The following ZNF697 variants were observed in gnomAD, a reference collection of about 807,000 sequenced individuals.
ZNF697 encodes zinc finger protein 697.
A neutral mutation model predicts 32.4 loss-of-function variants in ZNF697; 23 were observed. The ratio of observed to expected loss-of-function variants is 0.71; its 90% confidence interval spans 0.51 to 1.01. The LOEUF is 1.01. Among genes scored for constraint, ZNF697 ranks in the 50% least tolerant of loss-of-function variants. The pLI is 0.00. For synonymous variants in ZNF697, 418 were observed against 337.2 expected, an observed-to-expected ratio of 1.24 and a Z score of -2.62; for missense variants, 930 against 794.0, an observed-to-expected ratio of 1.17 and a Z score of -2.06.
In ZNF697 at chr1:119,623,398, C is replaced by T. The variant is rs986474086; in HGVS notation, c.945G>A (p.Lys315=). The T allele has an allele frequency of 7.9e-6, 12 of 1,517,068 alleles. No homozygotes were observed. The African/African-American group carries it at 1.7e-4, about 22-fold the overall frequency. The allele number at this position is 1,517,068 out of a possible 1,614,324, so 94.0% of individuals were successfully genotyped here. A position where few individuals can be genotyped will look rare whatever the true frequency, so the allele number is the denominator to read the frequency against. ...CGCCGCACTCGGGGCACGGGTAGGG[C>T]TTCTCGCCCGTGTGCAGGCGCCGGT... is the stretch of plus-strand genomic sequence containing the variant. ...LKHRRLHTGE[K]PYPCPECGEA... The change falls in exon 3 of 3, where the codon AAG becomes AAA. Residue 315 remains lysine, a synonymous_variant. Coordinates refer to ENST00000421812, the MANE Select transcript of ZNF697 (RefSeq NM_001080470.2).
rs775974979 is a variant in ZNF697, at chr1:119,623,893, C to T, written c.450G>A (p.Gly150=). 1.4e-5 allele frequency: 21 copies of T among 1,551,566 alleles called. No individual in the cohort carries two copies. The highest frequency in any genetic ancestry group is 1.8e-5 in the Non-Finnish European group (21 of 1,147,118). ...VLPWRRHLSL[G]SRHRGDKPAH... ...CGGGCTTGTCACCTCGGTGCCGACT[C>T]CCCAGGGAGAGATGTCGCCTCCAGG... The change falls in exon 3 of 3, where the codon GGG becomes GGA. Residue 150 remains glycine, a synonymous_variant. Coordinates refer to ENST00000421812, the MANE Select transcript of ZNF697 (RefSeq NM_001080470.2).
chr1:119,623,098 G>C lies in ZNF697; in HGVS notation c.1245C>G (p.Gly415=), dbSNP rs762816915. The C allele has an allele frequency of 2.5e-6, 4 of 1,587,140 alleles. No individual in the cohort carries two copies. The highest frequency in any genetic ancestry group is 1.7e-6 in the Non-Finnish European group (2 of 1,167,198). The part of the protein sequence containing the change: ...GEKPYMCSEC[G]ETFSVSSHLF... ...GGTGCGAGCTGACGCTGAAGGTCTC[G>C]CCGCACTCGGAGCACATGTAGGGCT... is the stretch of plus-strand genomic sequence containing the variant. The change falls in exon 3 of 3, where the codon GGC becomes GGG. Residue 415 remains glycine (G), a synonymous_variant. Coordinates refer to ENST00000421812, the MANE Select transcript of ZNF697 (RefSeq NM_001080470.2).
intron 1 of ZNF697, among the ~76,000 whole-genome samples, chr1:119,638,462 A>T (rs1570947314): frequency 1.3e-5 from 2 of 152,206 alleles, no homozygotes; most frequent in East Asian, 3.8e-4. Context: ...GGCATTTAAT[A>T]GGAGTTCAGT....
Position 119,622,959 on chromosome 1 carries a change from C to G in ZNF697, c.1384G>C (p.Glu462Gln). 2 of 1,602,870 alleles carry G rather than the reference C, an allele frequency of 1.2e-6. No individual in the cohort carries two copies. Among genetic ancestry groups the G allele is most frequent in the Non-Finnish European group, 1.7e-6 (2 of 1,173,888 alleles). Residue 462 changes from glutamate (E) to glutamine (Q), a missense_variant, in exon 3 of 3, where the codon GAG becomes CAG. Coordinates refer to ENST00000421812, the MANE Select transcript of ZNF697 (RefSeq NM_001080470.2). ...LVNHLRVHTG[E>Q]KPFRCGQCEK... ...CACTGGCCACAGCGGAAGGGCTTCT[C>G]GCCGGTGTGCACGCGCAGGTGGTTC...
At chr1:119,644,605 C>T (rs1649155877) in intron 1 of ZNF697, among the ~76,000 whole-genome samples, 1 of 152,184 alleles carries the variant, frequency 6.6e-6, no homozygotes, top group African/African-American at 2.4e-5. Flanking sequence ...TCTCTCCAAG[C>T]CCTAGTTTCC....
Position 119,623,492 on chromosome 1 carries a change from G to A in ZNF697, c.851C>T (p.Thr284Met), listed in dbSNP as rs587701334. The A allele has an allele frequency of 1.9e-6, 3 of 1,569,362 alleles. No homozygotes were observed. Among genetic ancestry groups the A allele is most frequent in the African/African-American group, 1.4e-5 (1 of 70,922 alleles). Residue 284 changes from threonine to methionine, a missense_variant, in exon 3 of 3, where the codon ACG becomes ATG. Coordinates refer to ENST00000421812, the MANE Select transcript of ZNF697 (RefSeq NM_001080470.2). ...TYLTNHLRLH[T>M]GERPNLCADC... Reference sequence around the variant, plus strand: ...GGCGCACAGGTTGGGCCGCTCGCCCGTGTGCAGGCGCAGGTGGTTGGTCAG... The same window carrying A: ...GGCGCACAGGTTGGGCCGCTCGCCCATGTGCAGGCGCAGGTGGTTGGTCAG...
At chr1:119,631,590 TTGGGCCCC>T (rs1648775236) in intron 1 of ZNF697, among the ~76,000 whole-genome samples, 1 of 13,038 alleles carries the variant, frequency 7.7e-5, no homozygotes, top group Non-Finnish European at 1.4e-4. Context: ...CAGCCCCCGC[TTGGGCCCC>T]GCTTGGGCCC....
At chr1:119,644,519 G>A (rs1358477196) in intron 1 of ZNF697, among the ~76,000 whole-genome samples, 2 of 152,198 alleles carry the variant, frequency 1.3e-5, no homozygotes, top group Non-Finnish European at 2.9e-5. Flanking sequence ...ATTCTGAACA[G>A]GCTTGACAGT....
intron 1 of ZNF697, among the ~76,000 whole-genome samples, chr1:119,629,627 A>C (rs1570941232): frequency 6.6e-6 from 1 of 152,332 alleles, no homozygotes; most frequent in East Asian, 1.9e-4. Flanking sequence ...GAGCCACAAA[A>C]ATTAATGTTT....
rs145439462 is a variant in ZNF697, at chr1:119,626,321, A to G, written c.-37-184T>C. ...AAAGGAGGGTGGACTGGGTGGCAGA[A>G]GAACAGTGACAACCTCACTATGAGG... On this transcript the variant is annotated intron_variant, in intron 1 of 2. Transcript: ENST00000421812. Among the ~76,000 whole-genome samples the G allele has an allele frequency of 4.4e-3, 665 of 152,348 alleles. 9 individuals are homozygous for G. Among genetic ancestry groups the G allele is most frequent in the African/African-American group, 0.015 (627 of 41,580 alleles).
At chr1:119,638,670 G>A (rs1252005000) in intron 1 of ZNF697, among the ~76,000 whole-genome samples, 2 of 152,096 alleles carry the variant, frequency 1.3e-5, no homozygotes, top group African/African-American at 4.8e-5. Flanking sequence ...GCCTCTTCCT[G>A]TAGCTTTATA....
chr1:119,623,880 C>G lies in ZNF697; in HGVS notation c.463G>C (p.Gly155Arg), dbSNP rs1454575273. 12 of 1,543,594 alleles carry G rather than the reference C, an allele frequency of 7.8e-6. No individual in the cohort carries two copies. In the South Asian group the frequency reaches 1.3e-4, roughly 17 times the overall value. The change falls in exon 3 of 3, where the codon GGT (glycine) becomes CGT (arginine). Residue 155 changes from glycine (G) to arginine (R), a missense_variant. Transcript: ENST00000421812. The stretch of plus-strand genomic sequence containing the variant: ...AAGCGGCGGTGGGCGGGCTTGTCAC[C>G]TCGGTGCCGACTCCCCAGGGAGAGA... ...RHLSLGSRHR[G>R]DKPAHRRFHR...
chr1:119,622,691 C>A lies in ZNF697; in HGVS notation c.*14G>T, dbSNP rs1322904059. The stretch of plus-strand genomic sequence containing the variant: ...ACAGGCTCCCCAGACGGCAGCCTCC[C>A]GCGGACCCAGCCCCTAACACAGGTG... On this transcript the variant is annotated 3_prime_UTR_variant, in exon 3 of 3. Transcript: ENST00000421812. 2.7e-6 allele frequency: 4 copies of A among 1,498,212 alleles called. No individual in the cohort carries two copies. Among genetic ancestry groups the A allele is most frequent in the Non-Finnish European group, 3.6e-6 (4 of 1,120,800 alleles). 92.8% of individuals were successfully genotyped at this position (1,498,212 alleles called of 1,614,324 possible).
intron 1 of ZNF697, among the ~76,000 whole-genome samples, chr1:119,646,322 A>AACACACACACACACACACACAC (rs61339576): frequency 5.8e-5 from 8 of 136,830 alleles, no homozygotes; most frequent in African/African-American, 2.3e-4. Context: ...CCCCACTTCC[A>AACACACACACACACACACACAC]ACACACACAC....
intron 1 of ZNF697, among the ~76,000 whole-genome samples, chr1:119,642,540 T>A (rs1033236610): frequency 4.6e-5 from 7 of 152,050 alleles, no homozygotes; most frequent in South Asian, 2.1e-4. Context: ...TTTTGAAATT[T>A]TATATATATA....
At chr1:119,638,053 C>T (rs1023458290) in intron 1 of ZNF697, among the ~76,000 whole-genome samples, 1 of 152,116 alleles carries the variant, frequency 6.6e-6, no homozygotes, top group African/African-American at 2.4e-5. Flanking sequence ...TTAAAAAAAT[C>T]TTTAAAGACA....
In ZNF697 at chr1:119,622,269, T is replaced by C. The variant is rs1340783182; in HGVS notation, c.*436A>G. On this transcript the variant is annotated 3_prime_UTR_variant, in exon 3 of 3. Transcript: ENST00000421812. ...GGGCAAACTCTTGGTGGGACCAAGA[T>C]AGAATCACTTATACTTGGTTTTATT... 1 of 159,104 alleles carries C rather than the reference T, an allele frequency of 6.3e-6. No individual in the cohort carries two copies. Among genetic ancestry groups the C allele is most frequent in the Non-Finnish European group, 1.4e-5 (1 of 72,798 alleles). The allele number at this position is 159,104 out of a possible 1,614,324, so 9.9% of individuals were successfully genotyped here. A position where few individuals can be genotyped will look rare whatever the true frequency, so the allele number is the denominator to read the frequency against.
chr1:119,624,209 C>A (rs1024823398), intron 2 of ZNF697, 93 bp from the exon 3 acceptor site: 2 of 1,399,744 alleles, frequency 1.4e-6, no homozygotes, highest in African/African-American at 2.9e-5. Context: ...CTGTGATCCC[C>A]TCCCTCAGGC....
chr1:119,620,992 C>T lies in ZNF697; in HGVS notation c.*1713G>A, dbSNP rs1021347862. On this transcript the variant is annotated 3_prime_UTR_variant, in exon 3 of 3. Transcript: ENST00000421812. ...ACAATACTGCTTTCCACAACTCTAACTTCTAAAGGCTAACCTAGCACAGGG... is the reference window on the plus strand; with the variant it reads ...ACAATACTGCTTTCCACAACTCTAATTTCTAAAGGCTAACCTAGCACAGGG... The T allele has an allele frequency of 1.3e-5, 2 of 152,176 alleles. No homozygotes were observed. The highest frequency in any genetic ancestry group is 2.4e-5 in the African/African-American group (1 of 41,436). The allele number at this position is 152,176 out of a possible 1,614,324, so 9.4% of individuals were successfully genotyped here. A position where few individuals can be genotyped will look rare whatever the true frequency, so the allele number is the denominator to read the frequency against.
Sources: allele counts gnomAD v4.1 joint callset (sites outside exome capture counted in the v4.1 genomes callset), GRCh38; gene constraint gnomAD v4.1.1; transcripts MANE v1.5; gene names NCBI Gene and HGNC (gene_info 2026-07-23, HGNC 2026-07-21).